NCMAP: variants seen among roughly 807,000 people sequenced by gnomAD.
NCMAP encodes non-compact myelin associated protein, also known as noncompact myelin-associated protein.
In NCMAP, 8 loss-of-function variants were observed where a neutral mutation model predicts 7.8. The observed-to-expected ratio is 1.02, with a 90% CI of 0.60 to 1.84. The LOEUF (loss-of-function observed/expected upper bound fraction) is 1.84, where lower values mean the gene tolerates loss of function less well. Among genes scored for constraint, NCMAP ranks in the 40% most tolerant of loss-of-function variants. NCMAP has a pLI of 0.00. For missense variants in NCMAP, 112 were observed against 131.4 expected (o/e 0.85, Z 0.72); for synonymous variants, 41 against 52.9 (o/e 0.78, Z 0.98).
At chr1:24,559,669 T>C (rs6669347) in intron 1 of NCMAP, among the ~76,000 whole-genome samples, 34,998 of 152,100 alleles carry the variant, frequency 0.23, 4,253 homozygotes, top group African/African-American at 0.28. Context: ...GCTGGACACA[T>C]CTGAACTGTG....
chr1:24,581,756 T>C (rs1404200210), intron 1 of NCMAP, among the ~76,000 whole-genome samples: 1 of 152,226 alleles, frequency 6.6e-6, no homozygotes, highest in Non-Finnish European at 1.5e-5. Flanking sequence ...CAGTCTACTT[T>C]AGTAGACATT....
intron 1 of NCMAP, among the ~76,000 whole-genome samples, chr1:24,595,127 C>T (rs1652178462): frequency 6.6e-6 from 1 of 152,160 alleles, no homozygotes; most frequent in Non-Finnish European, 1.5e-5. Flanking sequence ...AAAATGGCAA[C>T]AGTAACTCAC....
At chr1:24,598,810 GTA>G (rs1411861885) in intron 2 of NCMAP, among the ~76,000 whole-genome samples, 1 of 151,110 alleles carries the variant, frequency 6.6e-6, no homozygotes, top group Non-Finnish European at 1.5e-5. Flanking sequence ...GCTAATTTTT[GTA>G]TTTTTAGTAG....
At chr1:24,590,243 C>G (rs530411558) in intron 1 of NCMAP, among the ~76,000 whole-genome samples, 1 of 152,344 alleles carries the variant, frequency 6.6e-6, no homozygotes, top group Non-Finnish European at 1.5e-5. Flanking sequence ...ACGGCAAACA[C>G]TCAAATGGTG....
intron 1 of NCMAP, among the ~76,000 whole-genome samples, chr1:24,577,978 A>AT (rs572000801): frequency 1.8e-3 from 279 of 152,226 alleles, no homozygotes; most frequent in African/African-American, 6.5e-3. Flanking sequence ...AATGTACCAA[A>AT]TAGGCCAGGC....
chr1:24,602,229 T>C (rs1652524660), intron 3 of NCMAP, among the ~76,000 whole-genome samples: 1 of 152,140 alleles, frequency 6.6e-6, no homozygotes, highest in Non-Finnish European at 1.5e-5. Context: ...TGTGTCTACA[T>C]GATGGCATTG....
chr1:24,570,934 C>T (rs534303670), intron 1 of NCMAP, among the ~76,000 whole-genome samples: 30 of 150,838 alleles, frequency 2.0e-4, no homozygotes, highest in Admixed American at 3.3e-4. Context: ...ACTTACCACC[C>T]GGTCATAATT....
At chr1:24,570,533 G>A (rs1651358456) in intron 1 of NCMAP, among the ~76,000 whole-genome samples, 1 of 150,738 alleles carries the variant, frequency 6.6e-6, no homozygotes, top group African/African-American at 2.5e-5. Flanking sequence ...CTTAACAGGG[G>A]GCTTAGCGCT....
At chr1:24,602,225 T>G (rs1443158475) in intron 3 of NCMAP, among the ~76,000 whole-genome samples, 1 of 152,164 alleles carries the variant, frequency 6.6e-6, no homozygotes, top group Non-Finnish European at 1.5e-5. Context: ...CTGGTGTGTC[T>G]ACATGATGGC....
intron 2 of NCMAP, among the ~76,000 whole-genome samples, chr1:24,597,748 T>C (rs1320900683): frequency 6.6e-6 from 1 of 152,128 alleles, no homozygotes; most frequent in Non-Finnish European, 1.5e-5. Flanking sequence ...CCCTGCTAGA[T>C]AGGGTTACCA....
intron 1 of NCMAP, among the ~76,000 whole-genome samples, chr1:24,569,337 G>A (rs1651322656): frequency 6.8e-6 from 1 of 147,292 alleles, no homozygotes; most frequent in Non-Finnish European, 1.5e-5. Flanking sequence ...GCCCTCCCTG[G>A]GCACTAGACT....
At chr1:24,579,037 C>T (rs1651673185) in intron 1 of NCMAP, among the ~76,000 whole-genome samples, 1 of 152,106 alleles carries the variant, frequency 6.6e-6, no homozygotes, top group Non-Finnish European at 1.5e-5. Flanking sequence ...CAGACTGTGC[C>T]CGGCAGCGCG....
Position 24,608,612 on chromosome 1 carries a change from T to C in NCMAP, c.*2865T>C, listed in dbSNP as rs1440121528. On this transcript the variant is annotated 3_prime_UTR_variant, in exon 4 of 4. Coordinates refer to ENST00000374392, the MANE Select transcript of NCMAP (RefSeq NM_001010980.5). The stretch of plus-strand genomic sequence containing the variant: ...ACATATTCGGCTTGAAAAAGTTGTT[T>C]TGGGGCAGCTGTGGTGGTGCACCCC... The C allele has an allele frequency of 6.6e-6, 1 of 152,286 alleles. No homozygotes were observed. The highest frequency in any genetic ancestry group is 1.5e-5 in the Non-Finnish European group (1 of 68,124). 9.4% of individuals were successfully genotyped at this position (152,286 alleles called of 1,614,324 possible).
intron 1 of NCMAP, among the ~76,000 whole-genome samples, chr1:24,564,690 G>C (rs959716097): frequency 6.6e-6 from 1 of 152,000 alleles, no homozygotes; most frequent in Non-Finnish European, 1.5e-5. Context: ...AGAGCTCATA[G>C]AGTAACCAAC....
intron 1 of NCMAP, among the ~76,000 whole-genome samples, chr1:24,557,958 C>T (rs1018213453): frequency 6.6e-6 from 1 of 152,186 alleles, no homozygotes; most frequent in Non-Finnish European, 1.5e-5. Context: ...CTCCGTAGCA[C>T]CATGTGGACT....
At chr1:24,573,969 A>AAAAAAAC (rs1274825221) in intron 1 of NCMAP, among the ~76,000 whole-genome samples, 1 of 136,782 alleles carries the variant, frequency 7.3e-6, no homozygotes, top group Admixed American at 7.0e-5. Flanking sequence ...AAAAAAAAAA[A>AAAAAAAC]AACAGAAAAA....
chr1:24,577,401 G>GTTTTTTTTTTT (rs71577720), intron 1 of NCMAP, among the ~76,000 whole-genome samples: 31 of 39,924 alleles, frequency 7.8e-4, no homozygotes, highest in Non-Finnish European at 9.0e-4. Flanking sequence ...CACTGGCCTT[G>GTTTTTTTTTTT]TTTTTTTTTT....
intron 1 of NCMAP, among the ~76,000 whole-genome samples, chr1:24,578,409 G>A (rs1250203301): frequency 7.0e-6 from 1 of 143,174 alleles, no homozygotes; most frequent in African/African-American, 2.5e-5. Context: ...CTGGGACACG[G>A]AGTTGCTTCC....
chr1:24,604,606 ATATATATATATATATATATATATATAT>A (rs1286179003), intron 3 of NCMAP, among the ~76,000 whole-genome samples: 27 of 6,806 alleles, frequency 4.0e-3, no homozygotes, highest in East Asian at 0.028. Context: ...AAAAAAAAAA[ATATATATATATATATATATATATATAT>A]ATATATATAT....
Sources: gnomAD v4.1 joint callset for allele counts (sites outside exome capture counted in the v4.1 genomes callset) on GRCh38, gnomAD v4.1.1 for gene constraint, MANE v1.5 for transcripts, NCBI Gene and HGNC (gene_info 2026-07-23, HGNC 2026-07-21) for gene names.